CAMK2D: variants seen among roughly 807,000 people sequenced by gnomAD.
CAMK2D encodes calcium/calmodulin-dependent protein kinase type II subunit delta.
In CAMK2D, 37 loss-of-function variants were observed where a neutral mutation model predicts 84.0. The ratio of observed to expected loss-of-function variants is 0.44; its 90% CI spans 0.34 to 0.58. The LOEUF is 0.58. Among genes scored for constraint, CAMK2D ranks in the 20% least tolerant of loss-of-function variants. The pLI is 0.02. For synonymous variants in CAMK2D, 202 were observed against 212.5 expected (o/e 0.95, Z 0.43); for missense variants, 448 against 652.5 (o/e 0.69, Z 3.41).
chr4:113,645,888 G>A (rs1292437894), intron 3 of CAMK2D, among the ~76,000 whole-genome samples: 1 of 152,222 alleles, frequency 6.6e-6, no homozygotes, highest in Non-Finnish European at 1.5e-5. Context: ...CAGGGTGTAT[G>A]AGAAACACAT....
At chr4:113,668,926 A>T (rs1211893924) in intron 2 of CAMK2D, among the ~76,000 whole-genome samples, 1 of 152,168 alleles carries the variant, frequency 6.6e-6, no homozygotes, top group East Asian at 1.9e-4. Flanking sequence ...AGTTTATCAT[A>T]AAATTGTTTA....
intron 3 of CAMK2D, among the ~76,000 whole-genome samples, chr4:113,631,724 AG>A (rs1372487659): frequency 6.6e-6 from 1 of 152,208 alleles, no homozygotes; most frequent in Non-Finnish European, 1.5e-5. Context: ...CAATGAGCAC[AG>A]GGTGCAGTGG....
rs371059929 is a variant in CAMK2D at position 113,454,472 on chromosome 4, G to A, written c.*73C>T. On this transcript the variant is annotated 3_prime_UTR_variant, in exon 21 of 21. Coordinates refer to ENST00000511664, the MANE Select transcript of CAMK2D (RefSeq NM_001321571.2). ...GACGGCCCAGGGTCACCATCCAGGT[G>A]CCTTGAGAACAGAGAATGCAGAAGT... The A allele has an allele frequency of 4.9e-5, 38 of 778,432 alleles. No individual in the cohort carries two copies. The African/African-American group carries it at 5.6e-4, about 11-fold the overall frequency. 48.2% of individuals were successfully genotyped at this position (778,432 alleles called of 1,614,324 possible). A position where few individuals can be genotyped will look rare whatever the true frequency, so the allele number is the denominator to read the frequency against.
chr4:113,536,276 A>G (rs1274105892), intron 7 of CAMK2D, among the ~76,000 whole-genome samples: 1 of 152,200 alleles, frequency 6.6e-6, no homozygotes, highest in Non-Finnish European at 1.5e-5. Flanking sequence ...TACTACTGAA[A>G]AAGGACAGGC....
At chr4:113,537,236 T>C (rs1376791323) in intron 7 of CAMK2D, 105 bp downstream of exon 7, 2 of 602,428 alleles carry the variant, frequency 3.3e-6, no homozygotes, top group Admixed American at 3.1e-5. Flanking sequence ...CAAATTGTTA[T>C]TAGGATGAAG....
chr4:113,731,743 GC>G (rs2099569582), intron 2 of CAMK2D, among the ~76,000 whole-genome samples: 1 of 152,120 alleles, frequency 6.6e-6, no homozygotes, highest in African/African-American at 2.4e-5. Flanking sequence ...GCGCCACTAT[GC>G]CCGGTTAATT....
intron 4 of CAMK2D, among the ~76,000 whole-genome samples, chr4:113,583,079 T>C (rs2098817996): frequency 6.6e-6 from 1 of 152,210 alleles, no homozygotes; most frequent in African/African-American, 2.4e-5. Flanking sequence ...TCATCTTTCA[T>C]CAAGGGCTTC....
At chr4:113,754,572 A>G in intron 2 of CAMK2D, 1 of 981,536 alleles carries the variant, frequency 1.0e-6, no homozygotes, top group Non-Finnish European at 1.2e-6. Context: ...GTAGAGGTTT[A>G]CACTAGTTAT....
At chr4:113,569,028 A>G (rs1429245372) in intron 4 of CAMK2D, among the ~76,000 whole-genome samples, 1 of 151,584 alleles carries the variant, frequency 6.6e-6, no homozygotes, top group Non-Finnish European at 1.5e-5. Flanking sequence ...ATTTTCTCCT[A>G]TTCTATAGGT....
intron 3 of CAMK2D, among the ~76,000 whole-genome samples, chr4:113,628,818 T>C (rs1331963722): frequency 6.6e-6 from 1 of 152,088 alleles, no homozygotes; most frequent in Admixed American, 6.6e-5. Context: ...TTTCTATTTT[T>C]AATATCTCCT....
rs1400202446 is a variant in CAMK2D at position 113,452,273 on chromosome 4, A to G, written c.*2272T>C. On this transcript the variant is annotated 3_prime_UTR_variant, in exon 21 of 21. Transcript: ENST00000511664. The stretch of plus-strand genomic sequence containing the variant: ...GAGACCATTGTTTTGCTCACAGAGA[A>G]CAATTAACTTGCCATTCTCACCAAG... The G allele has an allele frequency of 6.6e-6, 1 of 152,228 alleles. No individual in the cohort carries two copies. The highest frequency in any genetic ancestry group is 1.5e-5 in the Non-Finnish European group (1 of 68,054). 9.4% of individuals were successfully genotyped at this position (152,228 alleles called of 1,614,324 possible).
At chr4:113,475,742 T>C (rs1397600306) in intron 16 of CAMK2D, among the ~76,000 whole-genome samples, 1 of 152,248 alleles carries the variant, frequency 6.6e-6, no homozygotes, top group Non-Finnish European at 1.5e-5. Context: ...CACAGGAATA[T>C]GCAGCAGCAT....
At chr4:113,543,861 T>G (rs145321725) in intron 6 of CAMK2D, among the ~76,000 whole-genome samples, 17,709 of 151,850 alleles carry the variant, frequency 0.12, 1,499 homozygotes, top group East Asian at 0.36. Context: ...GGGCGATCTC[T>G]GCTCACTGCA....
At chr4:113,729,203 A>C (rs569259247) in intron 2 of CAMK2D, among the ~76,000 whole-genome samples, 1 of 152,282 alleles carries the variant, frequency 6.6e-6, no homozygotes, top group African/African-American at 2.4e-5. Flanking sequence ...CAGTTCTTAC[A>C]TCTTTCCTTA....
chr4:113,598,783 C>A (rs1415257787), intron 4 of CAMK2D, among the ~76,000 whole-genome samples: 1 of 152,072 alleles, frequency 6.6e-6, no homozygotes, highest in Non-Finnish European at 1.5e-5. Flanking sequence ...CTCCTAGGTT[C>A]AAGCCTCTCA....
At chr4:113,582,128 T>C (rs547734721) in intron 4 of CAMK2D, among the ~76,000 whole-genome samples, 1 of 152,300 alleles carries the variant, frequency 6.6e-6, no homozygotes, top group Non-Finnish European at 1.5e-5. Context: ...CTTTAGAATT[T>C]TGGTCTGTCT....
At chr4:113,504,743 G>A (rs921726804) in intron 14 of CAMK2D, among the ~76,000 whole-genome samples, 1 of 148,866 alleles carries the variant, frequency 6.7e-6, no homozygotes, top group Admixed American at 6.7e-5. Context: ...ACAACGAAAT[G>A]AGATAATCTC....
intron 1 of CAMK2D, among the ~76,000 whole-genome samples, chr4:113,760,168 C>G (rs1353254407): frequency 1.3e-5 from 2 of 152,116 alleles, no homozygotes; most frequent in Admixed American, 1.3e-4. Flanking sequence ...CGGCTTGGCC[C>G]CTAGGTCCCT....
rs1018638667 is a variant in CAMK2D at position 113,613,478 on chromosome 4, T to C, written c.221-4272A>G. ...GAAATAAAAAAATTATTATGGTGAC[T>C]AGAGAAAGAAAAGTAGTAACAAGTA... On this transcript the variant is annotated intron_variant, in intron 3 of 20. Transcript: ENST00000511664. Among the ~76,000 whole-genome samples, 14 of 152,198 alleles carry C rather than the reference T, an allele frequency of 9.2e-5. No individual in the cohort carries two copies. In the South Asian group the frequency reaches 1.5e-3, roughly 16 times the overall value.
Sources: gnomAD v4.1 joint callset for allele counts (sites outside exome capture counted in the v4.1 genomes callset) on GRCh38, gnomAD v4.1.1 for gene constraint, MANE v1.5 for transcripts, NCBI Gene and HGNC (gene_info 2026-07-23, HGNC 2026-07-21) for gene names.